The following SH3BGRL2 variants were observed in gnomAD, a reference collection of about 807,000 sequenced individuals.
SH3BGRL2 encodes SH3 domain-binding glutamic acid-rich-like protein 2.
SH3BGRL2 carries 21 observed loss-of-function variants against 14.8 expected under a neutral mutation model. The ratio of observed to expected loss-of-function variants is 1.42; its 90% CI spans 1.01 to 2.05. The LOEUF (loss-of-function observed/expected upper bound fraction) is 2.05. Ranked by LOEUF, SH3BGRL2 falls within the 30% of genes most tolerant of loss-of-function variation. SH3BGRL2 has a pLI of 0.00. For synonymous variants in SH3BGRL2, 50 were observed against 47.8 expected (o/e 1.05, Z -0.19); for missense variants, 147 against 130.8 (o/e 1.12, Z -0.61).
At chr6:79,612,094 G>A in the SH3BGRL2 span, among the ~76,000 whole-genome samples, 6 of 152,064 alleles carry the variant, frequency 3.9e-5, no homozygotes, top group East Asian at 1.9e-4. Context: ...TCAGGAGTTC[G>A]AGACCAGCCT....
rs549591477 is a variant in SH3BGRL2 at position 79,700,947 on chromosome 6, A to G, written c.*1438A>G. On this transcript the variant is annotated 3_prime_UTR_variant, in exon 4 of 4. Coordinates refer to ENST00000369838, the MANE Select transcript of SH3BGRL2 (RefSeq NM_031469.4). ...TTATAATTCTGAGCAGGAAATTTAT[A>G]AGAAATTGAAAGAGCAGAAGAATTA... 1.8e-3 allele frequency: 276 copies of G among 152,278 alleles called. No individual in the cohort carries two copies. The highest frequency in any genetic ancestry group is 6.4e-3 in the African/African-American group (265 of 41,556). The allele number at this position is 152,278 out of a possible 1,614,324, so 9.4% of individuals were successfully genotyped here. A position where few individuals can be genotyped will look rare whatever the true frequency, so the allele number is the denominator to read the frequency against.
chr6:79,640,666 G>T (rs1468833222), intron 1 of SH3BGRL2, among the ~76,000 whole-genome samples: 1 of 151,984 alleles, frequency 6.6e-6, no homozygotes, highest in Non-Finnish European at 1.5e-5. Flanking sequence ...AAGGTATCCG[G>T]CAGGGTGTGT....
chr6:79,682,504 C>G (rs186495630), intron 2 of SH3BGRL2, among the ~76,000 whole-genome samples: 25 of 152,326 alleles, frequency 1.6e-4, no homozygotes, highest in Non-Finnish European at 2.9e-4. Context: ...TGCTTGGGCT[C>G]TGCTTCTGAG....
At chr6:79,673,271 T>C (rs990997721) in intron 1 of SH3BGRL2, among the ~76,000 whole-genome samples, 1 of 151,998 alleles carries the variant, frequency 6.6e-6, no homozygotes, top group Non-Finnish European at 1.5e-5. Context: ...GGAGTCTAGG[T>C]TGAAGAAACG....
intron 2 of SH3BGRL2, among the ~76,000 whole-genome samples, chr6:79,679,460 T>C (rs1769948163): frequency 6.6e-6 from 1 of 152,070 alleles, no homozygotes; most frequent in South Asian, 2.1e-4. Context: ...ATTATTTGTT[T>C]TTTGCTTGTT....
chr6:79,668,386 G>T (rs375213556), intron 1 of SH3BGRL2, among the ~76,000 whole-genome samples: 1 of 152,134 alleles, frequency 6.6e-6, no homozygotes, highest in African/African-American at 2.4e-5. Context: ...ATTTCCACGG[G>T]TCATTGAGTC....
intron 1 of SH3BGRL2, among the ~76,000 whole-genome samples, chr6:79,640,235 T>A (rs1363924426): frequency 2.6e-5 from 4 of 152,196 alleles, no homozygotes; most frequent in Admixed American, 2.6e-4. Flanking sequence ...TGTCTCCCTC[T>A]CTTAATAGGC....
intron 1 of SH3BGRL2, among the ~76,000 whole-genome samples, chr6:79,656,814 G>A (rs1769428238): frequency 6.6e-6 from 1 of 151,934 alleles, no homozygotes; most frequent in South Asian, 2.1e-4. Context: ...GGGGGTTGGG[G>A]AGAGCTCCTG....
At chr6:79,648,981 A>T (rs1405644995) in intron 1 of SH3BGRL2, among the ~76,000 whole-genome samples, 1 of 152,186 alleles carries the variant, frequency 6.6e-6, no homozygotes, top group African/African-American at 2.4e-5. Flanking sequence ...ACCTGGAAGG[A>T]AGCAGAAAAG....
At chr6:79,637,999 C>G (rs1284557928) in intron 1 of SH3BGRL2, among the ~76,000 whole-genome samples, 1 of 152,066 alleles carries the variant, frequency 6.6e-6, no homozygotes, top group African/African-American at 2.4e-5. Context: ...GTTTTTTTAA[C>G]TGACACATAA....
the SH3BGRL2 span, among the ~76,000 whole-genome samples, chr6:79,608,696 A>C: frequency 1.8e-4 from 27 of 152,170 alleles, no homozygotes; most frequent in Non-Finnish European, 1.5e-5. Context: ...TTTTTGTTGC[A>C]TGTTTTTCAG....
intron 2 of SH3BGRL2, among the ~76,000 whole-genome samples, chr6:79,679,385 ATT>A (rs756434186): frequency 7.6e-6 from 1 of 132,212 alleles, no homozygotes; most frequent in Admixed American, 7.4e-5. Flanking sequence ...TTTTTTTTTC[ATT>A]TTTTTTTTTG....
At chr6:79,657,874 A>C (rs1287499048) in intron 1 of SH3BGRL2, among the ~76,000 whole-genome samples, 1 of 152,192 alleles carries the variant, frequency 6.6e-6, no homozygotes, top group East Asian at 1.9e-4. Flanking sequence ...ATATTGTTTC[A>C]TTAATGTATG....
Position 79,700,578 on chromosome 6 carries a change from G to C in SH3BGRL2, c.*1069G>C, listed in dbSNP as rs1295345981. 2 of 151,992 alleles carry C rather than the reference G, an allele frequency of 1.3e-5. No homozygotes were observed. The highest frequency in any genetic ancestry group is 4.8e-5 in the African/African-American group (2 of 41,354). The allele number at this position is 151,992 out of a possible 1,614,324, so 9.4% of individuals were successfully genotyped here. A position where few individuals can be genotyped will look rare whatever the true frequency, so the allele number is the denominator to read the frequency against. ...TGCTCATATTTCTGGCCAATGTACA[G>C]CCTCATATTTTTCAGAGTAATACAG... is the stretch of plus-strand genomic sequence containing the variant. On this transcript the variant is annotated 3_prime_UTR_variant, in exon 4 of 4. Coordinates refer to ENST00000369838, the MANE Select transcript of SH3BGRL2 (RefSeq NM_031469.4).
chr6:79,657,409 G>T (rs569655614), intron 1 of SH3BGRL2, among the ~76,000 whole-genome samples: 1 of 152,262 alleles, frequency 6.6e-6, no homozygotes, highest in African/African-American at 2.4e-5. Flanking sequence ...GAAAGAAAAG[G>T]AGATGACTTT....
intron 2 of SH3BGRL2, among the ~76,000 whole-genome samples, chr6:79,682,506 G>A (rs1309507259): frequency 6.6e-6 from 1 of 152,154 alleles, no homozygotes; most frequent in Non-Finnish European, 1.5e-5. Flanking sequence ...CTTGGGCTCT[G>A]CTTCTGAGCC....
chr6:79,588,075 C>CCT, the SH3BGRL2 span, among the ~76,000 whole-genome samples: 301 of 152,116 alleles, frequency 2.0e-3, no homozygotes, highest in Non-Finnish European at 2.3e-3. Flanking sequence ...AGGTGGATCA[C>CCT]GAGGTCAGGA....
the SH3BGRL2 span, among the ~76,000 whole-genome samples, chr6:79,619,478 G>C: frequency 7.9e-5 from 12 of 152,306 alleles, no homozygotes; most frequent in South Asian, 2.1e-3. Context: ...AAGTGGTTTA[G>C]TTTATATTTT....
intron 2 of SH3BGRL2, among the ~76,000 whole-genome samples, chr6:79,680,561 G>A (rs779999454): frequency 4.6e-5 from 7 of 152,140 alleles, no homozygotes; most frequent in East Asian, 1.9e-4. Flanking sequence ...TTTAGGGTCC[G>A]TTGATTTGCC....
Sources: allele counts gnomAD v4.1 joint callset (sites outside exome capture counted in the v4.1 genomes callset), GRCh38; gene constraint gnomAD v4.1.1; transcripts MANE v1.5; gene names NCBI Gene and HGNC (gene_info 2026-07-23, HGNC 2026-07-21).